Variants in CUX1 observed in about 807,000 individuals in gnomAD.
The protein encoded by CUX1 is protein CASP.
A neutral mutation model predicts 158.8 loss-of-function variants in CUX1; 31 were observed. The ratio of observed to expected loss-of-function variants is 0.20; its 90% CI spans 0.15 to 0.26. The LOEUF (loss-of-function observed/expected upper bound fraction) is 0.26, where lower values mean the gene tolerates loss of function less well. Among genes scored for constraint, CUX1 ranks in the 10% least tolerant of loss-of-function variants. The probability of loss-of-function intolerance (pLI) is 1.00; values close to 1 mark genes in which losing one functional copy is unlikely to be tolerated. For synonymous variants in CUX1, 879 were observed against 862.1 expected (o/e 1.02, Z -0.34); for missense variants, 1,589 against 2,014.6 (o/e 0.79, Z 4.04).
chr7:102,115,410 C>T (rs1831338180), intron 8 of CUX1, 137 bp downstream of exon 8: 4 of 676,436 alleles, frequency 5.9e-6, no homozygotes, highest in South Asian at 2.1e-5. Context: ...TTACTTGCGT[C>T]GGTTCAATGC....
At chr7:102,240,423 G>A (rs1489712882) in intron 23 of CUX1, among the ~76,000 whole-genome samples, 1 of 151,848 alleles carries the variant, frequency 6.6e-6, no homozygotes, top group Non-Finnish European at 1.5e-5. Flanking sequence ...GCACCACCAT[G>A]CCTGCTGATT....
intron 2 of CUX1, among the ~76,000 whole-genome samples, chr7:101,966,769 A>T (rs189404085): frequency 6.6e-6 from 1 of 152,048 alleles, no homozygotes; most frequent in African/African-American, 2.4e-5. Flanking sequence ...GTATCTCCCT[A>T]TATTCACCAA....
chr7:102,222,841 A>C (rs1797956391), intron 20 of CUX1, among the ~76,000 whole-genome samples: 1 of 12,126 alleles, frequency 8.2e-5, no homozygotes, highest in African/African-American at 3.9e-4. Context: ...TTTTTTTGAG[A>C]CAGAGTCTCA....
At chr7:102,044,083 A>G (rs1195750500) in intron 3 of CUX1, among the ~76,000 whole-genome samples, 1 of 152,112 alleles carries the variant, frequency 6.6e-6, no homozygotes, top group Non-Finnish European at 1.5e-5. Flanking sequence ...TCCTGGCCTC[A>G]GGTGATCCTC....
chr7:102,213,019 T>C (rs1006345360), intron 20 of CUX1, among the ~76,000 whole-genome samples: 1 of 152,024 alleles, frequency 6.6e-6, no homozygotes, highest in African/African-American at 2.4e-5. Flanking sequence ...TAATTTTTTG[T>C]ATTTAGTAGA....
chr7:101,994,205 C>T (rs889691619), intron 2 of CUX1, among the ~76,000 whole-genome samples: 7 of 152,224 alleles, frequency 4.6e-5, no homozygotes, highest in Non-Finnish European at 7.3e-5. Context: ...CCCCATTATA[C>T]TGCAGTTGCC....
In CUX1 at chr7:101,850,423, T is replaced by TTC. The variant is rs200331820; in HGVS notation, c.30+32755_30+32756insCT. Among the ~76,000 whole-genome samples the TTC allele has an allele frequency of 1.8e-4, 6 of 33,138 alleles. No homozygotes were observed. In the African/African-American group the frequency reaches 2.1e-3, roughly 12 times the overall value. 21.7% of individuals were successfully genotyped at this position (33,138 alleles called of 152,430 possible). A position where few individuals can be genotyped will look rare whatever the true frequency, so the allele number is the denominator to read the frequency against. ...GTTTTCTTTTTCTTTCTTTCTTTCT[T>TTC]TTTTTTTTTTTTTTTTTTGAGACAG... On this transcript the variant is annotated intron_variant, in intron 1 of 23. Coordinates refer to ENST00000292535, the MANE Select transcript of CUX1 (RefSeq NM_181552.4).
intron 4 of CUX1, among the ~76,000 whole-genome samples, chr7:102,088,996 T>C (rs1261187375): frequency 6.6e-6 from 1 of 152,204 alleles, no homozygotes; most frequent in East Asian, 1.9e-4. Flanking sequence ...TTAATTTTGT[T>C]TCATAGGTTG....
chr7:102,247,980 A>G (rs1554537526), intron 23 of CUX1, among the ~76,000 whole-genome samples: 17 of 151,972 alleles, frequency 1.1e-4, no homozygotes. Flanking sequence ...AAAATGCAAA[A>G]ATTAGCTGGA....
At chr7:101,985,286 G>A (rs768071004) in intron 2 of CUX1, among the ~76,000 whole-genome samples, 30 of 152,232 alleles carry the variant, frequency 2.0e-4, no homozygotes, top group Middle Eastern at 6.8e-3. Flanking sequence ...GGGGTCGTGC[G>A]GGGAGATCAG....
In CUX1 at chr7:101,995,245, A is replaced by G. The variant is rs185879169; in HGVS notation, c.142-32853A>G. Reference sequence around the variant, plus strand: ...TAGGAACACTCCTCATACCCTCCTAAGAGTCCCATCCAGGCCGCCATGGCT... The same window carrying G: ...TAGGAACACTCCTCATACCCTCCTAGGAGTCCCATCCAGGCCGCCATGGCT... On this transcript the variant is annotated intron_variant, in intron 2 of 23. Coordinates refer to ENST00000292535, the MANE Select transcript of CUX1 (RefSeq NM_181552.4). Among the ~76,000 whole-genome samples the G allele has an allele frequency of 3.9e-5, 6 of 152,248 alleles. No homozygotes were observed. The East Asian group carries it at 1.2e-3, about 29-fold the overall frequency.
chr7:101,836,233 ATC>A (rs1187876817), intron 1 of CUX1, among the ~76,000 whole-genome samples: 3 of 151,972 alleles, frequency 2.0e-5, no homozygotes, highest in Admixed American at 1.3e-4. Context: ...AGCCCGTTCC[ATC>A]TCTCTCTCTT....
In CUX1 at chr7:101,907,297, G is replaced by T. The variant is rs375800535; in HGVS notation, c.31-8818G>T. Among the ~76,000 whole-genome samples the T allele has an allele frequency of 1.6e-4, 24 of 152,222 alleles. No homozygotes were observed. In the East Asian group the frequency reaches 2.3e-3, roughly 15 times the overall value. Reference sequence around the variant, plus strand: ...CCTAGGACTTTGTCAGCCCTTCAAAGCCTAGGTCTCCTTACTAGAGGGGAA... The same window carrying T: ...CCTAGGACTTTGTCAGCCCTTCAAATCCTAGGTCTCCTTACTAGAGGGGAA... On this transcript the variant is annotated intron_variant, in intron 1 of 23. Coordinates refer to ENST00000292535, the MANE Select transcript of CUX1 (RefSeq NM_181552.4).
chr7:102,184,987 C>G (rs1261049026), intron 11 of CUX1, among the ~76,000 whole-genome samples: 1 of 152,218 alleles, frequency 6.6e-6, no homozygotes, highest in African/African-American at 2.4e-5. Flanking sequence ...TTCCCAGATT[C>G]TCTTTCCACA....
intron 2 of CUX1, chr7:101,961,432 G>A (rs1474420018): frequency 1.3e-5 from 2 of 152,260 alleles, no homozygotes; most frequent in East Asian, 3.9e-4. Context: ...AATCATTTGG[G>A]AAGCATTGCA....
chr7:101,972,785 CTGTCAGTAGG>C (rs1167019164), intron 2 of CUX1, among the ~76,000 whole-genome samples: 3 of 152,218 alleles, frequency 2.0e-5, no homozygotes, highest in South Asian at 2.1e-4. Context: ...GAAAGAGACA[CTGTCAGTAGG>C]TGTCAGGAGG....
rs973521440 is a variant in CUX1 at position 102,201,026 on chromosome 7, A to G, written c.2063-334A>G. Among the ~76,000 whole-genome samples the G allele has an allele frequency of 4.4e-5, 2 of 45,430 alleles. No individual in the cohort carries two copies. The highest frequency in any genetic ancestry group is 1.0e-4 in the Non-Finnish European group (2 of 19,736). 29.8% of individuals were successfully genotyped at this position (45,430 alleles called of 152,430 possible). A position where few individuals can be genotyped will look rare whatever the true frequency, so the allele number is the denominator to read the frequency against. On this transcript the variant is annotated intron_variant, in intron 17 of 23. Transcript: ENST00000292535. This position sits in a 1 kb window ranked among gnomAD's most constrained non-coding sequence, Gnocchi z 5.0. ...TGGACAACAGCGAGATCCTGTCGCT[A>G]AAAAAAAAAAAAAAAAAAAAAAAAA...
At chr7:101,898,824 C>T (rs1232984392) in intron 1 of CUX1, among the ~76,000 whole-genome samples, 1 of 152,208 alleles carries the variant, frequency 6.6e-6, no homozygotes, top group East Asian at 1.9e-4. Flanking sequence ...CTCCTGACCA[C>T]AGGTGATCTG....
At chr7:101,967,162 C>A (rs181871576) in intron 2 of CUX1, among the ~76,000 whole-genome samples, 55 of 152,124 alleles carry the variant, frequency 3.6e-4, no homozygotes, top group Non-Finnish European at 4.9e-4. Flanking sequence ...TACAGGTGCC[C>A]TCCACTTATG....
Sources: gnomAD v4.1 joint callset for allele counts (sites outside exome capture counted in the v4.1 genomes callset) on GRCh38, gnomAD v4.1.1 for gene constraint, Gnocchi (gnomAD v3.1) non-coding constraint, MANE v1.5 for transcripts, NCBI Gene and HGNC (gene_info 2026-07-23, HGNC 2026-07-21) for gene names.